C4orf50: variants seen among roughly 807,000 people sequenced by gnomAD.
The protein encoded by C4orf50 is uncharacterized protein C4orf50.
C4orf50 carries 80 observed loss-of-function variants against 77.2 expected under a neutral mutation model. That is an observed-to-expected ratio of 1.04 (90% CI 0.87 to 1.25). The LOEUF (loss-of-function observed/expected upper bound fraction) is 1.25, where lower values mean the gene tolerates loss of function less well. C4orf50 is among the 50% of genes most tolerant of loss of function. The pLI is 0.00. For synonymous variants in C4orf50, 532 were observed against 465.3 expected, an observed-to-expected ratio of 1.14 and a Z score of -1.84; for missense variants, 1,257 against 1,152.9, an observed-to-expected ratio of 1.09 and a Z score of -1.31.
exon 32 of C4orf50, chr4:5,967,439 C>T (rs1719643374): frequency 6.2e-7 from 1 of 1,614,118 alleles, no homozygotes. Context: ...TCATCTCAGA[C>T]TTGACGTCCA....
rs752017927 is a variant in C4orf50, at chr4:5,970,988, C to T, written c.4104+2671G>A. On this transcript the variant is annotated intron_variant, in intron 31 of 33. Transcript: ENST00000531445. This position sits in a 1 kb window ranked among gnomAD's most constrained non-coding sequence, Gnocchi z 4.3. ...TCCAGTTGGGACCCTAGCCAGCCCA[C>T]GCCCCCTACCCAAAGGCAGGGGCCA... 5.3e-5 allele frequency among the ~76,000 whole-genome samples: 8 copies of T among 152,180 alleles called. No homozygotes were observed. The highest frequency in any genetic ancestry group is 9.6e-5 in the African/African-American group (4 of 41,452).
rs1356823526 is a variant in C4orf50 at position 5,988,713 on chromosome 4, CT to C, written c.3332del (p.Gln1111ArgfsTer5). The C allele has an allele frequency of 3.9e-6, 6 of 1,536,040 alleles. No individual in the cohort carries two copies. The Admixed American group carries it at 5.9e-5, about 15-fold the overall frequency. On this transcript the variant is annotated frameshift_variant, in exon 28 of 34. Transcript: ENST00000531445. LOFTEE classifies it high-confidence loss of function. ...GCTCCCTTCCCCTCACCAAACGCCC[CT>C]GATCCGTGCTCCTCTGCAAGGTGAC...
rs559826557 is a variant in C4orf50, at chr4:5,973,549, G to A, written c.4104+110C>T. The A allele has an allele frequency of 1.2e-4, 110 of 915,800 alleles. 1 individual carries two copies. The highest frequency in any genetic ancestry group is 4.8e-4 in the African/African-American group (29 of 60,376). The allele number at this position is 915,800 out of a possible 1,614,324, so 56.7% of individuals were successfully genotyped here. On this transcript the variant is annotated intron_variant, in intron 31 of 33. Coordinates refer to ENST00000531445, the Ensembl canonical transcript of C4orf50. ...GGGTGTCTTCTTGGGTAGTGTCCGC[G>A]GTGGGAGGGAGGGAGGAAAGGAGGG... is the stretch of plus-strand genomic sequence containing the variant.
chr4:6,014,287 C>G (rs1388654886), intron 23 of C4orf50, among the ~76,000 whole-genome samples: 2 of 152,144 alleles, frequency 1.3e-5, no homozygotes, highest in Admixed American at 6.5e-5. Flanking sequence ...CAGACGCGAG[C>G]AACCGGGCCG....
chr4:5,952,598 C>T (rs1218754297), downstream of C4orf50, among the ~76,000 whole-genome samples: 1 of 152,218 alleles, frequency 6.6e-6, no homozygotes, highest in Non-Finnish European at 1.5e-5. This position sits in a 1 kb window ranked among gnomAD's most constrained non-coding sequence, Gnocchi z 4.4. Flanking sequence ...CCCACCCCTT[C>T]CCTCACCACT....
chr4:5,925,654 C>T (rs991788502), intron 7 of C4orf50, among the ~76,000 whole-genome samples: 1 of 152,256 alleles, frequency 6.6e-6, no homozygotes, highest in African/African-American at 2.4e-5. Context: ...AGCTTCCACC[C>T]AGCACTGCCT....
chr4:5,952,987 A>G (rs1378982224), downstream of C4orf50, among the ~76,000 whole-genome samples: 6 of 152,222 alleles, frequency 3.9e-5, no homozygotes, highest in Non-Finnish European at 8.8e-5. This position sits in a 1 kb window ranked among gnomAD's most constrained non-coding sequence, Gnocchi z 4.4. Context: ...AGCTGCTGGG[A>G]GCCTCCTCTG....
In C4orf50 at chr4:5,969,943, G is replaced by A. The variant is rs544843788; in HGVS notation, c.4105-2481C>T. The stretch of plus-strand genomic sequence containing the variant: ...GGACCCCAGGCCAGACCCTAGGGGT[G>A]GGCAGGAGAGCCAGCTGCCATCTTA... On this transcript the variant is annotated intron_variant, in intron 31 of 33. Transcript: ENST00000531445. 2.0e-5 allele frequency among the ~76,000 whole-genome samples: 3 copies of A among 152,196 alleles called. No homozygotes were observed. The East Asian group carries it at 5.8e-4, about 30-fold the overall frequency.
At chr4:5,967,847 G>T (rs1719674301) in intron 31 of C4orf50, among the ~76,000 whole-genome samples, 1 of 152,206 alleles carries the variant, frequency 6.6e-6, no homozygotes, top group African/African-American at 2.4e-5. Flanking sequence ...TTCAGGTCAG[G>T]CTTGAATCTG....
At chr4:5,947,424 GAA>G (rs1259813385) in intron 7 of C4orf50, among the ~76,000 whole-genome samples, 1 of 152,228 alleles carries the variant, frequency 6.6e-6, no homozygotes, top group Non-Finnish European at 1.5e-5. Context: ...ACCATAGGAG[GAA>G]AAGACCTCAA....
chr4:6,003,792 ATGATGG>A (rs1721972153), intron 25 of C4orf50, among the ~76,000 whole-genome samples: 16 of 132,094 alleles, frequency 1.2e-4, no homozygotes, highest in African/African-American at 3.8e-4. Flanking sequence ...GGTGATGGTG[ATGATGG>A]TGATGGTGAT....
exon 34 of C4orf50, chr4:5,959,307 C>T: frequency 6.6e-7 from 1 of 1,520,742 alleles, no homozygotes; most frequent in African/African-American, 1.4e-5. Flanking sequence ...TCTTAAAGCA[C>T]TCTCTGAAGG....
At chr4:6,004,702 G>T (rs905593514) in intron 25 of C4orf50, among the ~76,000 whole-genome samples, 1 of 117,534 alleles carries the variant, frequency 8.5e-6, no homozygotes, top group Non-Finnish European at 1.8e-5. Flanking sequence ...GGTGATAATG[G>T]TGATGGTGGT....
chr4:5,963,498 G>A (rs1378885064), intron 33 of C4orf50, among the ~76,000 whole-genome samples: 1 of 151,634 alleles, frequency 6.6e-6, no homozygotes, highest in Non-Finnish European at 1.5e-5. Context: ...TTGATTCCAG[G>A]CACTATAATA....
chr4:5,917,561 G>C (rs916591783), intron 7 of C4orf50, among the ~76,000 whole-genome samples: 8 of 151,656 alleles, frequency 5.3e-5, no homozygotes, highest in Non-Finnish European at 1.2e-4. Context: ...CTACAGGCAC[G>C]CACCACCACA....
intron 28 of C4orf50, among the ~76,000 whole-genome samples, chr4:5,980,994 G>A (rs1446051678): frequency 6.6e-6 from 1 of 152,118 alleles, no homozygotes; most frequent in Non-Finnish European, 1.5e-5. Flanking sequence ...TTTGCATTGT[G>A]GGAAGTGTGG....
chr4:5,906,521 C>T (rs570499707), intron 7 of C4orf50, among the ~76,000 whole-genome samples: 2 of 152,274 alleles, frequency 1.3e-5, no homozygotes, highest in South Asian at 2.1e-4. Flanking sequence ...GATTAATAAA[C>T]ATATCTGAAC....
Position 5,974,744 on chromosome 4 carries a change from C to A in C4orf50, c.3922-903G>T, listed in dbSNP as rs141709798. On this transcript the variant is annotated intron_variant, in intron 30 of 33. Transcript: ENST00000531445. ...TACCTTGACCAAATTCTGTGTCCTG[C>A]TAGCAAAGAATATATTAAACCCCAT... 4.4e-3 allele frequency among the ~76,000 whole-genome samples: 676 copies of A among 152,300 alleles called. 6 individuals carry two copies. The highest frequency in any genetic ancestry group is 0.016 in the African/African-American group (645 of 41,562).
At chr4:5,980,009 TTTG>T (rs1304236819) in intron 29 of C4orf50, among the ~76,000 whole-genome samples, 162 bp downstream of exon 7, 1 of 152,260 alleles carries the variant, frequency 6.6e-6, no homozygotes, top group African/African-American at 2.4e-5. Context: ...CCTGTGGTTT[TTTG>T]TTGTTTTTTT....
Sources: allele counts gnomAD v4.1 joint callset (sites outside exome capture counted in the v4.1 genomes callset), GRCh38; gene constraint gnomAD v4.1.1; non-coding constraint Gnocchi (gnomAD v3.1); transcripts MANE v1.5; gene names NCBI Gene and HGNC (gene_info 2026-07-23, HGNC 2026-07-21).